Variants in CD1B observed in about 807,000 individuals in gnomAD.
CD1B encodes the protein T-cell surface glycoprotein CD1b.
CD1B carries 43 observed loss-of-function variants against 39.8 expected under a neutral mutation model. The ratio of observed to expected loss-of-function variants is 1.08; its 90% CI spans 0.85 to 1.39. The LOEUF is 1.39. CD1B is among the 40% of genes most tolerant of loss of function. The pLI is 0.00. For synonymous variants in CD1B, 192 were observed against 152.5 expected (o/e 1.26, Z -1.91); for missense variants, 495 against 403.8 (o/e 1.23, Z -1.94).
chr1:158,318,814 T>C, the CD1B span, among the ~76,000 whole-genome samples: 1 of 152,234 alleles, frequency 6.6e-6, no homozygotes, highest in Admixed American at 6.5e-5. Context: ...GTTGTTCCTT[T>C]CCATGTTTAG....
At chr1:158,327,570 G>A (rs1280687886), downstream of CD1B, among the ~76,000 whole-genome samples, 1 of 152,174 alleles carries the variant, frequency 6.6e-6, no homozygotes, top group Non-Finnish European at 1.5e-5. Flanking sequence ...AGTTTTTACT[G>A]AGAAAATGAA....
At chr1:158,300,156 C>T in the CD1B span, among the ~76,000 whole-genome samples, 24 of 152,130 alleles carry the variant, frequency 1.6e-4, no homozygotes, top group Non-Finnish European at 3.4e-4. Flanking sequence ...CACTGCTTTA[C>T]ATGTGTCCCA....
At chr1:158,299,057 T>A in the CD1B span, among the ~76,000 whole-genome samples, 1 of 152,144 alleles carries the variant, frequency 6.6e-6, no homozygotes, top group Non-Finnish European at 1.5e-5. Flanking sequence ...CTATGTTGAA[T>A]AGGAGTGGTG....
rs773655931 is a variant in CD1B, at chr1:158,329,373, A to C, written c.883T>G (p.Trp295Gly). The C allele has an allele frequency of 6.8e-6, 11 of 1,612,872 alleles. No individual in the cohort carries two copies. The highest frequency in any genetic ancestry group is 9.3e-6 in the Non-Finnish European group (11 of 1,179,168). Reference sequence around the variant, plus strand: ...CTGGGTCCCTGCTATTTCTTACTCCAGTAGAGGATGATGTCCTGGCCCTCT... The same window carrying C: ...CTGGGTCCCTGCTATTTCTTACTCCCGTAGAGGATGATGTCCTGGCCCTCT... ...SLEGQDIILY[W>G]RNPTSIGSIV... Residue 295 changes from tryptophan (W) to glycine (G), a missense_variant, in exon 4 of 6, where the codon TGG becomes GGG. Transcript: ENST00000368168.
intron 5 of CD1B, 26 bp from the exon 6 acceptor site, chr1:158,328,283 G>C: frequency 1.3e-6 from 2 of 1,598,892 alleles, no homozygotes; most frequent in Middle Eastern, 1.7e-4. Context: ...GAACAAAAGA[G>C]CTCCACATAA....
the CD1B span, among the ~76,000 whole-genome samples, chr1:158,309,483 A>T: frequency 6.6e-6 from 1 of 152,214 alleles, no homozygotes; most frequent in African/African-American, 2.4e-5. Context: ...ATTACTGGTT[A>T]TATACCCAAA....
At chr1:158,307,419 C>A in the CD1B span, among the ~76,000 whole-genome samples, 2 of 151,988 alleles carry the variant, frequency 1.3e-5, no homozygotes, top group African/African-American at 4.8e-5. Context: ...CAATAACAGG[C>A]TCTGAAATTG....
At chr1:158,295,502 C>T in the CD1B span, among the ~76,000 whole-genome samples, 1 of 152,114 alleles carries the variant, frequency 6.6e-6, no homozygotes, top group African/African-American at 2.4e-5. Context: ...GACAGGACTC[C>T]AGCTTCTATG....
At chr1:158,291,661 G>A in the CD1B span, among the ~76,000 whole-genome samples, 1 of 151,974 alleles carries the variant, frequency 6.6e-6, no homozygotes, top group Admixed American at 6.6e-5. Context: ...ATACACAGCT[G>A]TCCCACTCTG....
At chr1:158,326,778 A>C (rs943944802), downstream of CD1B, among the ~76,000 whole-genome samples, 2 of 151,702 alleles carry the variant, frequency 1.3e-5, no homozygotes, top group African/African-American at 4.9e-5. Context: ...TTATGTTTGC[A>C]CATATAAAAT....
At chr1:158,289,810 T>C in the CD1B span, 2 of 433,326 alleles carry the variant, frequency 4.6e-6, no homozygotes, top group Non-Finnish European at 8.4e-6. Context: ...GGGAAGTAGA[T>C]ATAATGGAGC....
At chr1:158,297,112 A>C in the CD1B span, among the ~76,000 whole-genome samples, 2 of 152,174 alleles carry the variant, frequency 1.3e-5, no homozygotes, top group East Asian at 3.9e-4. Flanking sequence ...CTCCTGAGAG[A>C]TACTACACTA....
At chr1:158,318,866 CA>C in the CD1B span, among the ~76,000 whole-genome samples, 1 of 152,168 alleles carries the variant, frequency 6.6e-6, no homozygotes, top group Non-Finnish European at 1.5e-5. Context: ...CTGTTGGTGA[CA>C]AAATCTTTCA....
chr1:158,305,206 G>A, the CD1B span, among the ~76,000 whole-genome samples: 2 of 152,056 alleles, frequency 1.3e-5, no homozygotes, highest in South Asian at 2.1e-4. Context: ...TTAGATGAAT[G>A]GCTAACTAGA....
the CD1B span, among the ~76,000 whole-genome samples, chr1:158,296,221 C>T: frequency 1.3e-5 from 2 of 150,946 alleles, no homozygotes; most frequent in Non-Finnish European, 2.9e-5. Flanking sequence ...GGACTGGGAG[C>T]ACCTTGGCCC....
downstream of CD1B, among the ~76,000 whole-genome samples, chr1:158,325,667 A>G (rs187150860): frequency 5.7e-3 from 869 of 151,806 alleles, 6 homozygotes; most frequent in Non-Finnish European, 9.5e-3. Context: ...ACACACACGC[A>G]CACACACAAT....
chr1:158,293,638 C>A, the CD1B span: 1 of 1,533,056 alleles, frequency 6.5e-7, no homozygotes, highest in Non-Finnish European at 8.9e-7. Context: ...GAATGTTTTT[C>A]TTGGAATCTC....
chr1:158,314,114 T>A, the CD1B span, among the ~76,000 whole-genome samples: 1 of 152,192 alleles, frequency 6.6e-6, no homozygotes, highest in South Asian at 2.1e-4. Flanking sequence ...AGACAGAGTC[T>A]AGCTCCATTG....
the CD1B span, among the ~76,000 whole-genome samples, chr1:158,287,504 T>C: frequency 5.3e-5 from 8 of 152,108 alleles, no homozygotes; most frequent in African/African-American, 1.7e-4. Context: ...ATTTTTTTTT[T>C]CTTTGGGAGG....
Sources: gnomAD v4.1 joint callset for allele counts (sites outside exome capture counted in the v4.1 genomes callset) on GRCh38, gnomAD v4.1.1 for gene constraint, MANE v1.5 for transcripts, NCBI Gene and HGNC (gene_info 2026-07-23, HGNC 2026-07-21) for gene names.